The following HPSE2 variants were observed in gnomAD, a reference collection of about 807,000 sequenced individuals.
HPSE2 encodes the protein inactive heparanase-2.
In HPSE2, 38 loss-of-function variants were observed where a neutral mutation model predicts 60.5. That is an observed-to-expected ratio of 0.63 (90% CI 0.48 to 0.82). HPSE2 has a LOEUF of 0.82. Ranked by LOEUF, HPSE2 falls within the 40% of genes least tolerant of loss-of-function variation. The probability of loss-of-function intolerance (pLI) is 0.00; values close to 1 mark genes in which losing one functional copy is unlikely to be tolerated. For synonymous variants in HPSE2, 295 were observed against 293.2 expected (o/e 1.01, Z -0.06); for missense variants, 713 against 740.4 (o/e 0.96, Z 0.43).
intron 2 of HPSE2, among the ~76,000 whole-genome samples, chr10:99,145,505 T>G (rs1589727404): frequency 1.3e-5 from 2 of 151,794 alleles, no homozygotes; most frequent in Admixed American, 1.3e-4. Context: ...AGCAGGAAGC[T>G]CTTATGCCCT....
intron 3 of HPSE2, among the ~76,000 whole-genome samples, chr10:99,052,854 T>C (rs1958021540): frequency 6.6e-6 from 1 of 152,024 alleles, no homozygotes; most frequent in Non-Finnish European, 1.5e-5. Flanking sequence ...GACATCTCCA[T>C]ATGAACAAAT....
At chr10:98,695,638 T>A (rs1948192556) in intron 5 of HPSE2, among the ~76,000 whole-genome samples, 1 of 152,192 alleles carries the variant, frequency 6.6e-6, no homozygotes, top group Admixed American at 6.5e-5. Flanking sequence ...AAATAGCCAA[T>A]TTTTGATGGA....
intron 3 of HPSE2, among the ~76,000 whole-genome samples, chr10:98,825,157 T>C (rs761481474): frequency 1.3e-5 from 2 of 152,192 alleles, no homozygotes; most frequent in Non-Finnish European, 2.9e-5. Context: ...AGTTTATCAA[T>C]CCAAGAAGGT....
chr10:98,550,353 A>AT (rs148208584), intron 9 of HPSE2, among the ~76,000 whole-genome samples: 2,283 of 151,184 alleles, frequency 0.015, 30 homozygotes, highest in Non-Finnish European at 0.024. Flanking sequence ...TGGCACAGTC[A>AT]TAGTTCACTG....
At chr10:99,243,599 CTT>C in the HPSE2 span, among the ~76,000 whole-genome samples, 1 of 152,078 alleles carries the variant, frequency 6.6e-6, no homozygotes, top group African/African-American at 2.4e-5. Context: ...ATTAATCAAT[CTT>C]AAAGATAATT....
chr10:99,249,488 G>T, the HPSE2 span, among the ~76,000 whole-genome samples: 1 of 152,210 alleles, frequency 6.6e-6, no homozygotes, highest in Non-Finnish European at 1.5e-5. Context: ...CACCTCCATT[G>T]TATACTGGAA....
At position 98,753,834 on chromosome 10, in the gene HPSE2, A is replaced by C. The variant is rs140438513; in HGVS notation, c.611-9778T>G. On this transcript the variant is annotated intron_variant, in intron 3 of 11. Transcript: ENST00000370552. ...GTCAAACCTTCAAGGGCATCAAAGA[A>C]TATAAAAGCAAAAAACCCTATCCAA... is the stretch of plus-strand genomic sequence containing the variant. 3.9e-5 allele frequency among the ~76,000 whole-genome samples: 6 copies of C among 152,284 alleles called. No homozygotes were observed. The East Asian group carries it at 1.2e-3, about 29-fold the overall frequency.
chr10:99,109,109 T>A (rs1318111053), intron 3 of HPSE2, among the ~76,000 whole-genome samples: 1 of 152,196 alleles, frequency 6.6e-6, no homozygotes, highest in Non-Finnish European at 1.5e-5. Flanking sequence ...ATAAAAATTG[T>A]GGAGTACATA....
chr10:99,033,371 C>T (rs1029429765), intron 3 of HPSE2, among the ~76,000 whole-genome samples: 2 of 151,770 alleles, frequency 1.3e-5, no homozygotes, highest in African/African-American at 4.8e-5. Context: ...AGACACTTTG[C>T]CAAAAAAGAT....
chr10:98,514,248 G>A (rs1942516250), intron 9 of HPSE2, among the ~76,000 whole-genome samples: 1 of 152,026 alleles, frequency 6.6e-6, no homozygotes, highest in Non-Finnish European at 1.5e-5. Context: ...AGTAGAATAA[G>A]GTTACCAAAG....
rs753892292 is a variant in HPSE2, at chr10:99,144,398, G to C, written c.450C>G (p.Asp150Glu). 2.1e-5 allele frequency: 34 copies of C among 1,612,910 alleles called. No individual in the cohort carries two copies. In the South Asian group the frequency reaches 3.2e-4, roughly 15 times the overall value. ...CTAAGGCAACATCACTTCGAACAAT[G>C]TCTACAAAAAGAAAGAAAGAAGGCA... ...PDYYLKNYED[D>E]IVRSDVALDK... Residue 150 changes from aspartate to glutamate, a missense_variant and splice_region_variant, in exon 3 of 12, where the codon GAC becomes GAG. Physicochemically the swap from Asp to Glu is conservative, Grantham distance 45. Coordinates refer to ENST00000370552, the MANE Select transcript of HPSE2 (RefSeq NM_021828.5).
chr10:98,507,114 G>T (rs1942227692), intron 9 of HPSE2, among the ~76,000 whole-genome samples: 1 of 152,190 alleles, frequency 6.6e-6, no homozygotes, highest in Non-Finnish European at 1.5e-5. Context: ...ATACGAATAG[G>T]TTAATAAACA....
At chr10:99,249,107 G>C in the HPSE2 span, among the ~76,000 whole-genome samples, 6 of 152,218 alleles carry the variant, frequency 3.9e-5, no homozygotes, top group Admixed American at 1.3e-4. Context: ...CCCACACACA[G>C]AGTCCCCACT....
At chr10:98,730,823 A>T (rs1949209065) in intron 4 of HPSE2, among the ~76,000 whole-genome samples, 1 of 152,258 alleles carries the variant, frequency 6.6e-6, no homozygotes, top group African/African-American at 2.4e-5. Context: ...GTAATTAAAA[A>T]TCTTTCCACA....
At chr10:98,535,750 C>G (rs1943263536) in intron 9 of HPSE2, among the ~76,000 whole-genome samples, 1 of 152,078 alleles carries the variant, frequency 6.6e-6, no homozygotes, top group African/African-American at 2.4e-5. Flanking sequence ...ATACAACCAC[C>G]CTCTCACCTC....
In HPSE2 at chr10:98,905,309, C is replaced by G. The variant is rs577074588; in HGVS notation, c.611-161253G>C. Among the ~76,000 whole-genome samples the G allele has an allele frequency of 6.0e-5, 9 of 148,950 alleles. No individual in the cohort carries two copies. In the East Asian group the frequency reaches 1.4e-3, roughly 23 times the overall value. On this transcript the variant is annotated intron_variant, in intron 3 of 11. Transcript: ENST00000370552. The stretch of plus-strand genomic sequence containing the variant: ...ATATCTCCCAATGCTATCCCTCCCC[C>G]CTCCCCCGACCCCACCACAGTCCCC...
At chr10:98,769,656 G>A (rs1171033715) in intron 3 of HPSE2, among the ~76,000 whole-genome samples, 1 of 152,154 alleles carries the variant, frequency 6.6e-6, no homozygotes, top group East Asian at 1.9e-4. Flanking sequence ...TGATTCTAAT[G>A]TGAGACTATA....
At chr10:98,567,729 T>C (rs1440219708) in intron 9 of HPSE2, among the ~76,000 whole-genome samples, 1 of 144,768 alleles carries the variant, frequency 6.9e-6, no homozygotes, top group African/African-American at 2.5e-5. Flanking sequence ...ATTTCCTTCG[T>C]GTTTCTCTAC....
intron 4 of HPSE2, among the ~76,000 whole-genome samples, chr10:98,737,150 G>A (rs777210368): frequency 8.5e-5 from 13 of 152,076 alleles, no homozygotes; most frequent in Non-Finnish European, 1.6e-4. Context: ...GCTCTTAGCT[G>A]TGACCTACCC....
Sources: gnomAD v4.1 joint callset for allele counts (sites outside exome capture counted in the v4.1 genomes callset) on GRCh38, gnomAD v4.1.1 for gene constraint, MANE v1.5 for transcripts, NCBI Gene and HGNC (gene_info 2026-07-23, HGNC 2026-07-21) for gene names.